The following METTL25 variants were observed in gnomAD, a reference collection of about 807,000 sequenced individuals.
METTL25 encodes the protein methyltransferase like 25.
METTL25 carries 64 observed loss-of-function variants against 71.6 expected under a neutral mutation model. The ratio of observed to expected loss-of-function variants is 0.89; its 90% CI spans 0.73 to 1.10. The LOEUF (loss-of-function observed/expected upper bound fraction) is 1.10. Among genes scored for constraint, METTL25 ranks in the 50% least tolerant of loss-of-function variants. METTL25 has a pLI of 0.00. For missense variants in METTL25, 807 were observed against 707.0 expected (o/e 1.14, Z -1.60); for synonymous variants, 287 against 250.3 (o/e 1.15, Z -1.38).
chr12:82,444,237 G>T (rs1464649841), intron 8 of METTL25, among the ~76,000 whole-genome samples: 1 of 152,120 alleles, frequency 6.6e-6, no homozygotes, highest in Non-Finnish European at 1.5e-5. Flanking sequence ...GAAAATTCAG[G>T]CCAGGAGGAA....
chr12:82,385,117 TG>T (rs1214917852), intron 1 of METTL25, among the ~76,000 whole-genome samples: 1 of 152,156 alleles, frequency 6.6e-6, no homozygotes, highest in Non-Finnish European at 1.5e-5. Context: ...TTTTAATTTA[TG>T]TTTAGTTGAT....
intron 5 of METTL25, among the ~76,000 whole-genome samples, chr12:82,404,364 GA>G (rs905477792): frequency 2.0e-5 from 3 of 148,818 alleles, no homozygotes; most frequent in Non-Finnish European, 3.0e-5. Flanking sequence ...AATGAACTTA[GA>G]AAAAAAAAGT....
At chr12:82,405,133 C>T (rs1886981923) in intron 5 of METTL25, among the ~76,000 whole-genome samples, 1 of 152,162 alleles carries the variant, frequency 6.6e-6, no homozygotes, top group South Asian at 2.1e-4. Flanking sequence ...CAGACCCTAG[C>T]AGCCATCACT....
rs767520970 is a variant in METTL25 at position 82,358,582 on chromosome 12, C to T, written c.17C>T (p.Pro6Leu). ...GTGAGCGTCATGGCGGCTTCTTGCC[C>T]TCTCCCGGTGACCCCGGACCTGCCC... MAASC[P>L]LPVTPDLPTL... The change falls in exon 1 of 12, where the codon CCT becomes CTT. Residue 6 changes from proline to leucine, a missense_variant. By Grantham distance (98) the Pro-to-Leu change is moderately conservative (BLOSUM62 -3). Coordinates refer to ENST00000248306, the MANE Select transcript of METTL25 (RefSeq NM_032230.3). 1.4e-5 allele frequency: 23 copies of T among 1,611,988 alleles called. No homozygotes were observed. In the South Asian group the frequency reaches 2.2e-4, roughly 15 times the overall value.
At chr12:82,472,351 C>T (rs899091564) in intron 9 of METTL25, among the ~76,000 whole-genome samples, 7 of 152,174 alleles carry the variant, frequency 4.6e-5, no homozygotes, top group African/African-American at 9.7e-5. Flanking sequence ...GTAATCCCAG[C>T]ACTTTGGGAG....
chr12:82,453,978 C>T (rs1403435813), intron 8 of METTL25, among the ~76,000 whole-genome samples: 2 of 151,986 alleles, frequency 1.3e-5, no homozygotes, highest in African/African-American at 2.4e-5. Flanking sequence ...CATTTCTGAG[C>T]ATGTATGCAA....
chr12:82,386,297 A>G (rs1565816378), intron 1 of METTL25, among the ~76,000 whole-genome samples: 1 of 152,174 alleles, frequency 6.6e-6, no homozygotes, highest in East Asian at 1.9e-4. Context: ...TTCCTCATGC[A>G]CTGTGGACAA....
chr12:82,438,512 C>CTTTTTTTTT (rs58370071), intron 7 of METTL25: 1 of 208,268 alleles, frequency 4.8e-6, no homozygotes, highest in Non-Finnish European at 9.0e-6. Context: ...TTTATGGTTT[C>CTTTTTTTTT]TTTTTTTTTT....
intron 8 of METTL25, among the ~76,000 whole-genome samples, chr12:82,441,762 T>G (rs1229312518): frequency 1.3e-5 from 2 of 148,894 alleles, no homozygotes; most frequent in South Asian, 2.1e-4. Flanking sequence ...AGAAAAACTT[T>G]TATGCATTAC....
chr12:82,426,675 C>A (rs909642071), intron 5 of METTL25, among the ~76,000 whole-genome samples: 1 of 151,954 alleles, frequency 6.6e-6, no homozygotes, highest in Non-Finnish European at 1.5e-5. Context: ...TGAAGTAAGA[C>A]CATCTTTTAT....
chr12:82,389,965 C>A (rs766486092), intron 3 of METTL25, 43 bp downstream of exon 3: 6 of 1,095,766 alleles, frequency 5.5e-6, no homozygotes, highest in Non-Finnish European at 8.3e-6. Flanking sequence ...AAATTATTGC[C>A]ACTTTTTGGT....
chr12:82,439,684 C>G (rs745448833), intron 8 of METTL25, among the ~76,000 whole-genome samples: 35 of 151,762 alleles, frequency 2.3e-4, no homozygotes, highest in Non-Finnish European at 4.9e-4. Context: ...TCTCCATTCT[C>G]TTTTCCAAAT....
intron 8 of METTL25, among the ~76,000 whole-genome samples, chr12:82,443,607 T>C (rs1412304303): frequency 6.6e-6 from 1 of 152,128 alleles, no homozygotes; most frequent in Non-Finnish European, 1.5e-5. Flanking sequence ...GAAAAGAGGT[T>C]TATTTGGCTC....
intron 1 of METTL25, 110 bp downstream of exon 1, chr12:82,358,934 C>G: frequency 7.0e-6 from 8 of 1,142,496 alleles, no homozygotes; most frequent in South Asian, 1.7e-5. Flanking sequence ...GCGGCGGAGG[C>G]GGGGCGGCCC....
chr12:82,435,331 A>G (rs968272665), intron 7 of METTL25, among the ~76,000 whole-genome samples: 25 of 151,416 alleles, frequency 1.7e-4, no homozygotes, highest in Non-Finnish European at 3.3e-4. Flanking sequence ...GCTTTTGTTC[A>G]AGGAACATTA....
chr12:82,435,795 C>A (rs1302958675), intron 7 of METTL25, among the ~76,000 whole-genome samples: 1 of 151,320 alleles, frequency 6.6e-6, no homozygotes, highest in Non-Finnish European at 1.5e-5. Context: ...CAATAAATGC[C>A]AACTGTTGTT....
intron 9 of METTL25, among the ~76,000 whole-genome samples, chr12:82,462,990 G>A (rs1208408436): frequency 2.6e-5 from 4 of 151,948 alleles, no homozygotes; most frequent in South Asian, 2.1e-4. Context: ...ACATAGTGAT[G>A]TTGCAATATA....
chr12:82,386,728 A>G (rs1000211459), intron 1 of METTL25, 75 bp from the exon 2 acceptor site: 3 of 1,226,572 alleles, frequency 2.4e-6, no homozygotes, highest in Non-Finnish European at 1.2e-6. Flanking sequence ...TTAAGTGTTC[A>G]TTTGTTGTTT....
chr12:82,388,559 C>T (rs1290251735), intron 2 of METTL25, among the ~76,000 whole-genome samples: 1 of 151,930 alleles, frequency 6.6e-6, no homozygotes, highest in African/African-American at 2.4e-5. Flanking sequence ...GGGTATAAAT[C>T]CTTGGCCCCT....
Sources: allele counts gnomAD v4.1 joint callset (sites outside exome capture counted in the v4.1 genomes callset), GRCh38; gene constraint gnomAD v4.1.1; transcripts MANE v1.5; gene names NCBI Gene and HGNC (gene_info 2026-07-23, HGNC 2026-07-21).